Variants in SCTR observed in about 807,000 individuals in gnomAD.
SCTR encodes pancreatic secretin receptor.
In SCTR, 56 loss-of-function variants were observed where a neutral mutation model predicts 60.8. That is an observed-to-expected ratio of 0.92 (90% CI 0.74 to 1.15). The LOEUF (loss-of-function observed/expected upper bound fraction) is 1.15, where lower values mean the gene tolerates loss of function less well. SCTR is among the 50% of genes most tolerant of loss of function. The probability of loss-of-function intolerance (pLI) is 0.00; values close to 1 mark genes in which losing one functional copy is unlikely to be tolerated. For missense variants in SCTR, 562 were observed against 550.4 expected, an observed-to-expected ratio of 1.02 and a Z score of -0.21; for synonymous variants, 202 against 217.0, an observed-to-expected ratio of 0.93 and a Z score of 0.61.
intron 10 of SCTR, 79 bp from the exon 11 acceptor site, chr2:119,446,964 C>T: frequency 7.6e-7 from 1 of 1,308,076 alleles, no homozygotes; most frequent in South Asian, 2.7e-5. Flanking sequence ...AGCTGTGCCA[C>T]TCCCCAGCTC....
intron 2 of SCTR, among the ~76,000 whole-genome samples, chr2:119,489,735 A>G (rs75276186): frequency 0.12 from 18,361 of 152,182 alleles, 1,369 homozygotes; most frequent in South Asian, 0.26. Flanking sequence ...CAGGAAAGAA[A>G]TGGACAGGCA....
intron 4 of SCTR, among the ~76,000 whole-genome samples, chr2:119,469,480 G>A (rs1676894877): frequency 6.6e-6 from 1 of 152,008 alleles, no homozygotes; most frequent in Middle Eastern, 3.4e-3. Context: ...TGTGACCTTC[G>A]GTCCTTAGCT....
chr2:119,442,158 C>T (rs966905089), intron 11 of SCTR, among the ~76,000 whole-genome samples: 42 of 152,310 alleles, frequency 2.8e-4, no homozygotes, highest in African/African-American at 9.9e-4. Flanking sequence ...CCTCCGTGCT[C>T]AGAGTTTTAT....
At position 119,441,606 on chromosome 2, in the gene SCTR, G is replaced by A. The variant is rs757426304; in HGVS notation, c.1141-7C>T. On this transcript the variant is annotated splice_polypyrimidine_tract_variant and splice_region_variant and intron_variant, in intron 11 of 12. Transcript: ENST00000019103. ...GGACGGCCACCACCAGTCCCTGCCA[G>A]AAGAAGAGAGGTAGCAGGGTTAGCA... The A allele has an allele frequency of 6.2e-7, 1 of 1,612,776 alleles. No individual in the cohort carries two copies. Among genetic ancestry groups the A allele is most frequent in the South Asian group, 1.1e-5 (1 of 90,554 alleles).
chr2:119,473,189 A>T (rs996108483), intron 4 of SCTR, among the ~76,000 whole-genome samples: 1 of 151,986 alleles, frequency 6.6e-6, no homozygotes, highest in Non-Finnish European at 1.5e-5. Context: ...CAGCACCCCC[A>T]GTCTCGCGGT....
rs574519535 is a variant in SCTR at position 119,493,802 on chromosome 2, C to T, written c.193+626G>A. Among the ~76,000 whole-genome samples the T allele has an allele frequency of 7.9e-5, 12 of 152,024 alleles. 1 individual carries two copies. In the South Asian group the frequency reaches 1.7e-3, roughly 21 times the overall value. On this transcript the variant is annotated intron_variant, in intron 2 of 12. Coordinates refer to ENST00000019103, the MANE Select transcript of SCTR (RefSeq NM_002980.3). ...AATTACAGGCATGCGCCACCACGCC[C>T]GGCTAATTTTGCATTTTTAGTAGAG...
intron 4 of SCTR, 131 bp from the exon 5 acceptor site, chr2:119,466,017 A>G (rs1017793952): frequency 4.7e-6 from 3 of 638,454 alleles, no homozygotes; most frequent in Admixed American, 4.7e-5. Context: ...AAGGACGCCA[A>G]TTCACAGACA....
intron 3 of SCTR, chr2:119,476,762 G>A (rs915324993): frequency 2.6e-5 from 4 of 152,566 alleles, no homozygotes; most frequent in Admixed American, 2.0e-4. Context: ...AGAGCTTCGA[G>A]TCCTTTCCAT....
chr2:119,452,035 CGAAT>C lies in SCTR; in HGVS notation c.892_895del (p.Ile298ValfsTer4). The C allele has an allele frequency of 1.2e-6, 2 of 1,608,642 alleles. No individual in the cohort carries two copies. Among genetic ancestry groups the C allele is most frequent in the Non-Finnish European group, 1.7e-6 (2 of 1,176,566 alleles). ...CAGGATGGAGAGGATCACAGGACCACGAATGATCCACCAGATGGATGCGTTGGCA... is the reference window on the plus strand; with the variant it reads ...CAGGATGGAGAGGATCACAGGACCACGATCCACCAGATGGATGCGTTGGCA... On this transcript the variant is annotated frameshift_variant, in exon 9 of 13. Transcript: ENST00000019103. LOFTEE classifies it high-confidence loss of function.
At chr2:119,446,629 T>G (rs1573789449) in intron 11 of SCTR, 130 bp downstream of exon 11, 1 of 878,862 alleles carries the variant, frequency 1.1e-6, no homozygotes, top group Non-Finnish European at 1.6e-6. Context: ...CACTGTCAGG[T>G]CCGACCCCTT....
chr2:119,444,436 C>CAT (rs1256397245), intron 11 of SCTR, among the ~76,000 whole-genome samples: 1 of 19,194 alleles, frequency 5.2e-5, no homozygotes, highest in African/African-American at 2.5e-4. Flanking sequence ...TATGAATATA[C>CAT]ACATATATAT....
intron 3 of SCTR, among the ~76,000 whole-genome samples, chr2:119,477,915 C>T (rs1448591579): frequency 1.3e-5 from 2 of 152,148 alleles, no homozygotes; most frequent in Non-Finnish European, 2.9e-5. Context: ...AGTGAGGCTT[C>T]GAGGGAGCAG....
At chr2:119,478,768 A>AC in intron 3 of SCTR, 43 bp downstream of exon 3, 2 of 1,595,358 alleles carry the variant, frequency 1.3e-6, no homozygotes, top group Non-Finnish European at 1.7e-6. Flanking sequence ...CCAGAGGGAC[A>AC]CCCCTCAGCC....
intron 4 of SCTR, among the ~76,000 whole-genome samples, chr2:119,466,716 A>C (rs1409710168): frequency 6.6e-6 from 1 of 152,114 alleles, no homozygotes; most frequent in Non-Finnish European, 1.5e-5. Context: ...CAGCCACTGC[A>C]CTCCAGCCTG....
At chr2:119,446,952 A>G (rs1682956833) in intron 10 of SCTR, 67 bp from the exon 11 acceptor site, 2 of 1,342,970 alleles carry the variant, frequency 1.5e-6, no homozygotes. Context: ...CTGTAGGCAC[A>G]CAGCTGTGCC....
At chr2:119,515,529 G>C (rs1323216839) in intron 1 of SCTR, among the ~76,000 whole-genome samples, 1 of 152,106 alleles carries the variant, frequency 6.6e-6, no homozygotes, top group Non-Finnish European at 1.5e-5. Flanking sequence ...GCTGGGCACT[G>C]AATACAACAA....
chr2:119,495,686 T>C (rs1261548240), intron 1 of SCTR: 1 of 152,312 alleles, frequency 6.6e-6, no homozygotes, highest in Non-Finnish European at 1.5e-5. Context: ...TTCCACATGT[T>C]ACCACCCTTC....
At chr2:119,447,212 C>T (rs1420773943) in intron 10 of SCTR, among the ~76,000 whole-genome samples, 1 of 151,998 alleles carries the variant, frequency 6.6e-6, no homozygotes, top group Non-Finnish European at 1.5e-5. Flanking sequence ...CTATGTCTAA[C>T]ATCATACAAG....
At chr2:119,499,942 A>C (rs1678478620) in intron 1 of SCTR, among the ~76,000 whole-genome samples, 2 of 152,138 alleles carry the variant, frequency 1.3e-5, no homozygotes. Flanking sequence ...AAATAAAGGC[A>C]TACAGATAAG....
Sources: allele counts gnomAD v4.1 joint callset (sites outside exome capture counted in the v4.1 genomes callset), GRCh38; gene constraint gnomAD v4.1.1; transcripts MANE v1.5; gene names NCBI Gene and HGNC (gene_info 2026-07-23, HGNC 2026-07-21).